GALNT13: variants seen among roughly 807,000 people sequenced by gnomAD.
GALNT13 encodes polypeptide N-acetylgalactosaminyltransferase 13.
Under a neutral mutation model 64.2 loss-of-function variants are expected in GALNT13, and 28 were observed. The ratio of observed to expected loss-of-function variants is 0.44; its 90% CI spans 0.32 to 0.60. GALNT13 has a LOEUF of 0.60. GALNT13 is among the 20% of genes least tolerant of loss of function. The probability of loss-of-function intolerance (pLI) is 0.05; values close to 1 mark genes in which losing one functional copy is unlikely to be tolerated. For missense variants in GALNT13, 577 were observed against 669.8 expected (o/e 0.86, Z 1.53); for synonymous variants, 214 against 224.6 (o/e 0.95, Z 0.42).
At chr2:153,609,742 T>C in the GALNT13 span, among the ~76,000 whole-genome samples, 1 of 152,170 alleles carries the variant, frequency 6.6e-6, no homozygotes, top group Non-Finnish European at 1.5e-5. Flanking sequence ...AATAAAATTG[T>C]TTTAACTCTT....
intron 9 of GALNT13, among the ~76,000 whole-genome samples, chr2:154,310,135 A>G (rs1422203930): frequency 1.3e-5 from 2 of 152,154 alleles, no homozygotes; most frequent in African/African-American, 4.8e-5. Flanking sequence ...ACCCCTATCA[A>G]TTGGGTTTGA....
At chr2:153,650,743 A>T in the GALNT13 span, among the ~76,000 whole-genome samples, 1 of 152,192 alleles carries the variant, frequency 6.6e-6, no homozygotes, top group South Asian at 2.1e-4. Context: ...CTGGATATGA[A>T]ATTCTGGGTT....
chr2:153,313,011 G>A, the GALNT13 span, among the ~76,000 whole-genome samples: 1 of 152,144 alleles, frequency 6.6e-6, no homozygotes, highest in African/African-American at 2.4e-5. Flanking sequence ...ACACCAATCG[G>A]AATGGCTGTT....
intron 3 of GALNT13, among the ~76,000 whole-genome samples, chr2:153,981,647 T>G (rs1397063862): frequency 2.0e-5 from 3 of 152,124 alleles, no homozygotes; most frequent in Non-Finnish European, 4.4e-5. Flanking sequence ...TTCCAAGTCT[T>G]TGCTATTGTG....
intron 9 of GALNT13, among the ~76,000 whole-genome samples, chr2:154,333,517 C>A (rs192143126): frequency 2.0e-5 from 3 of 151,934 alleles, no homozygotes; most frequent in Non-Finnish European, 4.4e-5. Context: ...GTTTCTCATT[C>A]GCCATTTGTT....
At chr2:153,274,785 G>T in the GALNT13 span, among the ~76,000 whole-genome samples, 1 of 152,196 alleles carries the variant, frequency 6.6e-6, no homozygotes, top group African/African-American at 2.4e-5. Context: ...ACTTCCAGTT[G>T]TTTTCAATCT....
At chr2:154,254,324 C>A (rs974288064) in intron 7 of GALNT13, among the ~76,000 whole-genome samples, 1 of 152,156 alleles carries the variant, frequency 6.6e-6, no homozygotes, top group Non-Finnish European at 1.5e-5. Context: ...GGCTAGATTA[C>A]TGATGCCAGG....
the GALNT13 span, among the ~76,000 whole-genome samples, chr2:153,606,542 C>G: frequency 2.4e-4 from 37 of 152,166 alleles, no homozygotes; most frequent in African/African-American, 8.9e-4. Context: ...ATGTGTGGCT[C>G]AAGACAATTC....
chr2:153,912,233 G>A (rs1185361482), intron 2 of GALNT13, among the ~76,000 whole-genome samples: 1 of 151,930 alleles, frequency 6.6e-6, no homozygotes, highest in Non-Finnish European at 1.5e-5. Context: ...AATTCTTGTA[G>A]TGTTTTTTTC....
the GALNT13 span, among the ~76,000 whole-genome samples, chr2:153,082,652 C>T: frequency 7.5e-5 from 6 of 79,790 alleles, no homozygotes; most frequent in Non-Finnish European, 1.4e-4. Flanking sequence ...CACACACACA[C>T]ACACACACAC....
chr2:153,225,734 T>C, the GALNT13 span, among the ~76,000 whole-genome samples: 1 of 152,174 alleles, frequency 6.6e-6, no homozygotes, highest in African/African-American at 2.4e-5. Context: ...TAGTAGCACC[T>C]AAAAATAAAA....
At chr2:154,195,364 C>A (rs1035115132) in intron 4 of GALNT13, among the ~76,000 whole-genome samples, 1 of 151,892 alleles carries the variant, frequency 6.6e-6, no homozygotes, top group African/African-American at 2.4e-5. Flanking sequence ...AAAAATGTAC[C>A]GTGGGAGAAA....
At chr2:153,217,123 C>T in the GALNT13 span, among the ~76,000 whole-genome samples, 2 of 151,900 alleles carry the variant, frequency 1.3e-5, no homozygotes, top group Admixed American at 1.3e-4. Context: ...TTTTTATATA[C>T]ATGTGTATAT....
chr2:153,558,763 T>G, the GALNT13 span, among the ~76,000 whole-genome samples: 1 of 152,224 alleles, frequency 6.6e-6, no homozygotes, highest in Non-Finnish European at 1.5e-5. Context: ...TCTCTGAAAG[T>G]GTTCAAATTA....
the GALNT13 span, among the ~76,000 whole-genome samples, chr2:153,136,599 C>A: frequency 6.6e-6 from 1 of 152,004 alleles, no homozygotes; most frequent in Non-Finnish European, 1.5e-5. Context: ...AAAACCTGTA[C>A]TTCAAAAAGT....
At chr2:153,674,299 TTA>T in the GALNT13 span, among the ~76,000 whole-genome samples, 4 of 151,998 alleles carry the variant, frequency 2.6e-5, no homozygotes, top group African/African-American at 4.8e-5. Context: ...TGACTTCAAA[TTA>T]TATGACAAGC....
At chr2:153,719,988 A>G in the GALNT13 span, among the ~76,000 whole-genome samples, 2 of 151,822 alleles carry the variant, frequency 1.3e-5, no homozygotes, top group Non-Finnish European at 2.9e-5. Flanking sequence ...CTGCCTCTAT[A>G]GGCTCCACCT....
the GALNT13 span, among the ~76,000 whole-genome samples, chr2:153,174,077 C>A: frequency 6.6e-6 from 1 of 152,280 alleles, no homozygotes; most frequent in Non-Finnish European, 1.5e-5. Context: ...CTGGTGGTGG[C>A]TCCACCTGTC....
chr2:153,859,936 A>G, the GALNT13 span, among the ~76,000 whole-genome samples: 1 of 152,186 alleles, frequency 6.6e-6, no homozygotes, highest in Non-Finnish European at 1.5e-5. Flanking sequence ...TGAAATTCAT[A>G]ATTTACATGT....
Sources: gnomAD v4.1 joint callset for allele counts (sites outside exome capture counted in the v4.1 genomes callset) on GRCh38, gnomAD v4.1.1 for gene constraint, MANE v1.5 for transcripts, NCBI Gene and HGNC (gene_info 2026-07-23, HGNC 2026-07-21) for gene names.